The following FBXO4 variants were observed in gnomAD, a reference collection of about 807,000 sequenced individuals.
The protein encoded by FBXO4 is F-box protein 4, also known as F-box only protein 4.
A neutral mutation model predicts 43.7 loss-of-function variants in FBXO4; 36 were observed. The observed-to-expected ratio is 0.82, with a 90% CI of 0.63 to 1.09. FBXO4 has a LOEUF of 1.09. Among genes scored for constraint, FBXO4 ranks in the 50% least tolerant of loss-of-function variants. The probability of loss-of-function intolerance (pLI) is 0.00; values close to 1 mark genes in which losing one functional copy is unlikely to be tolerated. For synonymous variants in FBXO4, 180 were observed against 165.6 expected, an observed-to-expected ratio of 1.09 and a Z score of -0.67; for missense variants, 435 against 474.1, an observed-to-expected ratio of 0.92 and a Z score of 0.77.
the FBXO4 span, among the ~76,000 whole-genome samples, chr5:41,981,027 A>G: frequency 1.3e-5 from 2 of 152,142 alleles, no homozygotes; most frequent in South Asian, 4.1e-4. Flanking sequence ...TCCTCACTAG[A>G]TATATATAAG....
the FBXO4 span, among the ~76,000 whole-genome samples, chr5:41,980,325 A>G: frequency 2.0e-5 from 3 of 152,186 alleles, no homozygotes; most frequent in African/African-American, 7.2e-5. Flanking sequence ...GAGCATACGT[A>G]TAGGTTAATA....
chr5:42,039,127 T>C, the FBXO4 span, among the ~76,000 whole-genome samples: 1 of 152,072 alleles, frequency 6.6e-6, no homozygotes, highest in African/African-American at 2.4e-5. Context: ...AAAGTGACCT[T>C]GTTCTTTGCA....
the FBXO4 span, among the ~76,000 whole-genome samples, chr5:42,026,176 A>G: frequency 6.0e-4 from 91 of 151,820 alleles, no homozygotes; most frequent in East Asian, 0.016. Context: ...ATAATCATGG[A>G]ATATTTTTCC....
intron 3 of FBXO4, among the ~76,000 whole-genome samples, chr5:41,931,154 G>A (rs1447101676): frequency 6.6e-6 from 1 of 152,214 alleles, no homozygotes; most frequent in African/African-American, 2.4e-5. Flanking sequence ...AGGCTCTTGA[G>A]TGAAGAATTG....
chr5:42,029,327 A>G, the FBXO4 span, among the ~76,000 whole-genome samples: 1 of 151,948 alleles, frequency 6.6e-6, no homozygotes, highest in African/African-American at 2.4e-5. Flanking sequence ...TTGCAGCTCC[A>G]TTGTATATTA....
At chr5:41,932,682 T>C (rs1417495079) in intron 3 of FBXO4, among the ~76,000 whole-genome samples, 1 of 152,086 alleles carries the variant, frequency 6.6e-6, no homozygotes, top group Non-Finnish European at 1.5e-5. Context: ...GAAAGGATAA[T>C]AGGAGGCAAG....
chr5:41,946,178 GT>G (rs1461528983), downstream of FBXO4, among the ~76,000 whole-genome samples: 1 of 152,178 alleles, frequency 6.6e-6, no homozygotes, highest in African/African-American at 2.4e-5. Context: ...AGCTTTCACT[GT>G]CTTGTGTGTG....
chr5:41,952,943 A>C, the FBXO4 span, among the ~76,000 whole-genome samples: 1 of 150,278 alleles, frequency 6.7e-6, no homozygotes, highest in Non-Finnish European at 1.5e-5. Context: ...CTATTCTATC[A>C]GTTTTTTTCT....
intron 2 of FBXO4, among the ~76,000 whole-genome samples, chr5:41,928,358 G>A (rs1163810033): frequency 2.7e-5 from 4 of 145,638 alleles, no homozygotes; most frequent in South Asian, 2.2e-4. Flanking sequence ...TTTTTGAGAC[G>A]GAGTCTTGCT....
At chr5:41,980,501 A>T in the FBXO4 span, among the ~76,000 whole-genome samples, 1 of 152,170 alleles carries the variant, frequency 6.6e-6, no homozygotes, top group Non-Finnish European at 1.5e-5. Flanking sequence ...GGAAATTGGA[A>T]CATAAAACAC....
At chr5:42,000,915 G>A in the FBXO4 span, among the ~76,000 whole-genome samples, 106 of 152,158 alleles carry the variant, frequency 7.0e-4, no homozygotes, top group African/African-American at 2.1e-3. Flanking sequence ...TGGGGTCTCC[G>A]TTCTGTTTCA....
At chr5:42,002,700 A>G in the FBXO4 span, among the ~76,000 whole-genome samples, 3 of 152,144 alleles carry the variant, frequency 2.0e-5, no homozygotes, top group African/African-American at 4.8e-5. Flanking sequence ...CTCTATATCT[A>G]TCTATATTAT....
chr5:41,951,988 C>T, the FBXO4 span: 1 of 324,148 alleles, frequency 3.1e-6, no homozygotes, highest in South Asian at 3.4e-5. Flanking sequence ...GCAGGGTTTC[C>T]AATCACAGCA....
At chr5:41,960,194 C>G in the FBXO4 span, among the ~76,000 whole-genome samples, 2 of 151,708 alleles carry the variant, frequency 1.3e-5, no homozygotes, top group Non-Finnish European at 2.9e-5. Flanking sequence ...CTACTGATTT[C>G]TGTATGTTGA....
chr5:42,013,530 T>C, the FBXO4 span, among the ~76,000 whole-genome samples: 2 of 152,232 alleles, frequency 1.3e-5, no homozygotes, highest in Non-Finnish European at 2.9e-5. Flanking sequence ...TTCCTTGAAT[T>C]CCACGTTTAG....
In FBXO4 at chr5:41,941,424, T is replaced by A; in HGVS notation, c.*143T>A. On this transcript the variant is annotated 3_prime_UTR_variant, in exon 7 of 7. Transcript: ENST00000281623. ...GGACAGCTATAACTGCTGTGTTTTTTATATTATTTTTACTCTTTACCATAA... is the reference window on the plus strand; with the variant it reads ...GGACAGCTATAACTGCTGTGTTTTTAATATTATTTTTACTCTTTACCATAA... 1.9e-6 allele frequency: 1 copy of A among 522,744 alleles called. No homozygotes were observed. Among genetic ancestry groups the A allele is most frequent in the East Asian group, 3.0e-5 (1 of 33,478 alleles). The allele number at this position is 522,744 out of a possible 1,614,324, so 32.4% of individuals were successfully genotyped here.
At chr5:41,962,554 A>G in the FBXO4 span, among the ~76,000 whole-genome samples, 3 of 152,144 alleles carry the variant, frequency 2.0e-5, no homozygotes, top group African/African-American at 7.2e-5. Context: ...TGTAAAGCCC[A>G]GAGGGTTTAT....
the FBXO4 span, among the ~76,000 whole-genome samples, chr5:41,998,635 C>T: frequency 6.6e-6 from 1 of 152,162 alleles, no homozygotes; most frequent in Non-Finnish European, 1.5e-5. Context: ...CCTGATCCAA[C>T]AATATGTTCC....
At chr5:42,036,255 G>A in the FBXO4 span, among the ~76,000 whole-genome samples, 4 of 151,742 alleles carry the variant, frequency 2.6e-5, no homozygotes, top group African/African-American at 9.7e-5. Context: ...TTAGTGGATG[G>A]GTATGTGAGG....
Sources: gnomAD v4.1 joint callset for allele counts (sites outside exome capture counted in the v4.1 genomes callset) on GRCh38, gnomAD v4.1.1 for gene constraint, MANE v1.5 for transcripts, NCBI Gene and HGNC (gene_info 2026-07-23, HGNC 2026-07-21) for gene names.